Variants in KLF12 observed in about 807,000 individuals in gnomAD.
KLF12 encodes KLF transcription factor 12.
A neutral mutation model predicts 37.8 loss-of-function variants in KLF12; 9 were observed. The observed-to-expected ratio is 0.24, with a 90% CI of 0.14 to 0.42. The LOEUF (loss-of-function observed/expected upper bound fraction) is 0.42. Ranked by LOEUF, KLF12 falls within the 10% of genes least tolerant of loss-of-function variation. The probability of loss-of-function intolerance (pLI) is 1.00; values close to 1 mark genes in which losing one functional copy is unlikely to be tolerated. For synonymous variants in KLF12, 208 were observed against 202.1 expected, an observed-to-expected ratio of 1.03 and a Z score of -0.25; for missense variants, 411 against 516.0, an observed-to-expected ratio of 0.80 and a Z score of 1.97.
chr13:74,293,235 T>C, the KLF12 span, among the ~76,000 whole-genome samples: 1 of 152,168 alleles, frequency 6.6e-6, no homozygotes, highest in East Asian at 1.9e-4. Context: ...AGATGAGGTG[T>C]GGGAAGCTGG....
At chr13:74,202,795 C>G in the KLF12 span, among the ~76,000 whole-genome samples, 1 of 152,152 alleles carries the variant, frequency 6.6e-6, no homozygotes, top group African/African-American at 2.4e-5. Flanking sequence ...TCAGTAATCA[C>G]TGGACAGACC....
chr13:74,203,815 A>G, the KLF12 span, among the ~76,000 whole-genome samples: 1 of 152,162 alleles, frequency 6.6e-6, no homozygotes, highest in Non-Finnish European at 1.5e-5. Context: ...AGCCATTCCC[A>G]TTGACCAATA....
At chr13:74,167,825 A>G in the KLF12 span, among the ~76,000 whole-genome samples, 1 of 152,238 alleles carries the variant, frequency 6.6e-6, no homozygotes, top group African/African-American at 2.4e-5. Flanking sequence ...AAATGGGAGC[A>G]AACAGGGTAC....
chr13:73,690,206 A>G lies in KLF12; in HGVS notation c.*5284T>C, dbSNP rs1873739384. 2 of 152,598 alleles carry G rather than the reference A, an allele frequency of 1.3e-5. No individual in the cohort carries two copies. Among genetic ancestry groups the G allele is most frequent in the Non-Finnish European group, 2.9e-5 (2 of 68,024 alleles). The allele number at this position is 152,598 out of a possible 1,614,324, so 9.5% of individuals were successfully genotyped here. ...ATTATTGCTGTGTAAAAGTATAGGA[A>G]TATCTCATTGGTCATAAGGTTTACT... On this transcript the variant is annotated 3_prime_UTR_variant, in exon 8 of 8. Coordinates refer to ENST00000377669, the MANE Select transcript of KLF12 (RefSeq NM_007249.5).
chr13:74,064,990 C>T (rs186790250), intron 1 of KLF12, among the ~76,000 whole-genome samples: 23 of 152,240 alleles, frequency 1.5e-4, no homozygotes, highest in Admixed American at 1.3e-3. Flanking sequence ...TACATGTACA[C>T]ACATACACAT....
At chr13:73,728,433 T>G (rs758549634) in intron 6 of KLF12, among the ~76,000 whole-genome samples, 5 of 152,208 alleles carry the variant, frequency 3.3e-5, no homozygotes, top group African/African-American at 1.2e-4. Flanking sequence ...TCCTTTCTAA[T>G]CTACATTTCT....
the KLF12 span, chr13:74,289,354 T>C: frequency 2.4e-3 from 364 of 152,058 alleles, 2 homozygotes; most frequent in African/African-American, 8.4e-3. Flanking sequence ...CTCAGTGGAG[T>C]AGTAAGGGAA....
intron 3 of KLF12, among the ~76,000 whole-genome samples, chr13:73,935,270 T>G (rs964599439): frequency 6.6e-6 from 1 of 152,188 alleles, no homozygotes; most frequent in Non-Finnish European, 1.5e-5. Context: ...ATTACAGGCA[T>G]GAGCCATCGT....
At chr13:73,970,829 G>A (rs1187119860) in intron 2 of KLF12, among the ~76,000 whole-genome samples, 2 of 152,146 alleles carry the variant, frequency 1.3e-5, no homozygotes, top group East Asian at 1.9e-4. Flanking sequence ...TCTAACAAAT[G>A]TTTTCTTTGG....
the KLF12 span, among the ~76,000 whole-genome samples, chr13:74,303,392 C>T: frequency 6.6e-6 from 1 of 152,032 alleles, no homozygotes; most frequent in Non-Finnish European, 1.5e-5. Context: ...ACACTATTCC[C>T]AGTATTCACC....
chr13:74,302,090 G>A, the KLF12 span, among the ~76,000 whole-genome samples: 5 of 152,056 alleles, frequency 3.3e-5, no homozygotes, highest in Non-Finnish European at 5.9e-5. Flanking sequence ...TTTGGTTTTT[G>A]CAGCCCCTGG....
At chr13:74,222,022 T>A in the KLF12 span, among the ~76,000 whole-genome samples, 1 of 152,198 alleles carries the variant, frequency 6.6e-6, no homozygotes, top group African/African-American at 2.4e-5. Flanking sequence ...AAGCCATTTC[T>A]CCAGTACTGA....
intron 1 of KLF12, among the ~76,000 whole-genome samples, chr13:74,086,052 A>T (rs1392117481): frequency 2.0e-5 from 1 of 51,224 alleles, no homozygotes; most frequent in East Asian, 5.2e-4. Context: ...ATATATTTTA[A>T]AAGTGGTTTA....
the KLF12 span, among the ~76,000 whole-genome samples, chr13:74,238,943 A>G: frequency 2.0e-5 from 3 of 148,472 alleles, no homozygotes; most frequent in Non-Finnish European, 4.5e-5. Flanking sequence ...TATTTCCTTC[A>G]GTTCTGCTCT....
intron 3 of KLF12, among the ~76,000 whole-genome samples, chr13:73,859,550 C>T (rs1031464431): frequency 6.6e-6 from 1 of 152,120 alleles, no homozygotes; most frequent in African/African-American, 2.4e-5. Flanking sequence ...ATGGGCACTG[C>T]TAGGATAGTT....
intron 6 of KLF12, among the ~76,000 whole-genome samples, chr13:73,728,356 G>A (rs1566323884): frequency 6.6e-6 from 1 of 151,958 alleles, no homozygotes; most frequent in African/African-American, 2.4e-5. Flanking sequence ...ATACTTTTTG[G>A]GAGGCGCCCT....
chr13:73,700,897 T>G (rs1950303411), intron 7 of KLF12, among the ~76,000 whole-genome samples: 1 of 152,306 alleles, frequency 6.6e-6, no homozygotes, highest in South Asian at 2.1e-4. Flanking sequence ...GCACACAATC[T>G]TATAAACACA....
At chr13:74,106,148 C>T (rs1876638454) in intron 1 of KLF12, among the ~76,000 whole-genome samples, 1 of 152,128 alleles carries the variant, frequency 6.6e-6, no homozygotes, top group African/African-American at 2.4e-5. Context: ...TGCCTACTGT[C>T]TATTAAAGGC....
At chr13:73,933,044 T>G (rs1485958182) in intron 3 of KLF12, among the ~76,000 whole-genome samples, 1 of 152,204 alleles carries the variant, frequency 6.6e-6, no homozygotes, top group African/African-American at 2.4e-5. Flanking sequence ...GTTACTTACT[T>G]GTTGTGTGAT....
Sources: allele counts gnomAD v4.1 joint callset (sites outside exome capture counted in the v4.1 genomes callset), GRCh38; gene constraint gnomAD v4.1.1; transcripts MANE v1.5; gene names NCBI Gene and HGNC (gene_info 2026-07-23, HGNC 2026-07-21).